Variants in EBF1 observed in about 807,000 individuals in gnomAD.
EBF1 encodes EBF transcription factor 1.
A neutral mutation model predicts 68.4 loss-of-function variants in EBF1; 10 were observed. The ratio of observed to expected loss-of-function variants is 0.15; its 90% CI spans 0.09 to 0.25. The LOEUF is 0.25. Ranked by LOEUF, EBF1 falls within the 10% of genes least tolerant of loss-of-function variation. The pLI, the probability that EBF1 is intolerant of heterozygous loss-of-function variation, is 1.00. For missense variants in EBF1, 509 were observed against 794.4 expected, an observed-to-expected ratio of 0.64 and a Z score of 4.32; for synonymous variants, 298 against 299.8, an observed-to-expected ratio of 0.99 and a Z score of 0.06.
intron 6 of EBF1, among the ~76,000 whole-genome samples, chr5:159,049,732 C>T (rs978460497): frequency 1.3e-5 from 2 of 152,102 alleles, no homozygotes; most frequent in African/African-American, 4.8e-5. Flanking sequence ...GGAAATTGTC[C>T]AACGTTAGAA....
intron 8 of EBF1, among the ~76,000 whole-genome samples, chr5:158,809,855 C>T (rs1782316100): frequency 6.6e-6 from 1 of 152,162 alleles, no homozygotes. Context: ...TGGACATTGT[C>T]CATTCCAATG....
At chr5:158,790,155 C>T (rs769468095) in intron 9 of EBF1, among the ~76,000 whole-genome samples, 1 of 152,146 alleles carries the variant, frequency 6.6e-6, no homozygotes, top group Non-Finnish European at 1.5e-5. Context: ...GCTTCACACA[C>T]GAGGAAACTT....
intron 15 of EBF1, among the ~76,000 whole-genome samples, chr5:158,704,629 C>CTT (rs80210765): frequency 2.1e-5 from 3 of 141,606 alleles, no homozygotes; most frequent in African/African-American, 8.1e-5. Flanking sequence ...TCCTTTTTTT[C>CTT]TTTTTTTTTT....
At chr5:158,713,706 C>A (rs1040082630) in intron 12 of EBF1, among the ~76,000 whole-genome samples, 3 of 152,174 alleles carry the variant, frequency 2.0e-5, no homozygotes, top group Non-Finnish European at 2.9e-5. Flanking sequence ...CTATGTGAAT[C>A]TTATACATGG....
intron 10 of EBF1, among the ~76,000 whole-genome samples, chr5:158,777,207 C>T (rs956903882): frequency 7.9e-5 from 12 of 152,098 alleles, no homozygotes; most frequent in Non-Finnish European, 5.9e-5. Context: ...TTCAACAGAA[C>T]GCGCCATTCA....
intron 6 of EBF1, among the ~76,000 whole-genome samples, chr5:158,893,262 G>A (rs1198580870): frequency 1.3e-5 from 2 of 152,050 alleles, no homozygotes; most frequent in East Asian, 1.9e-4. Context: ...TCTTCCCCTG[G>A]TTATAAAATA....
intron 10 of EBF1, among the ~76,000 whole-genome samples, chr5:158,763,009 C>G (rs542141102): frequency 1.3e-5 from 2 of 152,308 alleles, no homozygotes; most frequent in Admixed American, 1.3e-4. Context: ...CAGCACAGAT[C>G]TCTTCTCAAA....
At chr5:159,077,854 TC>T (rs1779065156) in intron 5 of EBF1, among the ~76,000 whole-genome samples, 1 of 131,760 alleles carries the variant, frequency 7.6e-6, no homozygotes, top group Non-Finnish European at 1.6e-5. Context: ...TCCTCCCACC[TC>T]AGGCCCTTAA....
At chr5:158,744,373 A>G (rs1287563711) in intron 10 of EBF1, among the ~76,000 whole-genome samples, 2 of 152,162 alleles carry the variant, frequency 1.3e-5, no homozygotes, top group African/African-American at 2.4e-5. Context: ...AGAGAATAGT[A>G]TCACCGAAAC....
At chr5:159,008,597 C>T (rs1764024330) in intron 6 of EBF1, among the ~76,000 whole-genome samples, 1 of 150,232 alleles carries the variant, frequency 6.7e-6, no homozygotes, top group South Asian at 2.1e-4. Context: ...ACAATCTGGA[C>T]TCACTGCAGC....
chr5:158,821,870 C>T (rs1408022115), intron 8 of EBF1, among the ~76,000 whole-genome samples: 4 of 152,170 alleles, frequency 2.6e-5, no homozygotes, highest in Non-Finnish European at 5.9e-5. Flanking sequence ...TGATGGTTTA[C>T]TTTAAAAAGA....
chr5:158,805,041 T>A (rs1408919324), intron 8 of EBF1, among the ~76,000 whole-genome samples: 1 of 152,160 alleles, frequency 6.6e-6, no homozygotes, highest in Non-Finnish European at 1.5e-5. Flanking sequence ...AGAACTTTTA[T>A]GCACAAAATT....
chr5:159,080,809 C>T (rs1335865230), intron 5 of EBF1, among the ~76,000 whole-genome samples: 2 of 152,126 alleles, frequency 1.3e-5, no homozygotes, highest in African/African-American at 4.8e-5. Context: ...AGAGGAACAC[C>T]CAGTAACTTC....
chr5:159,086,533 A>G (rs1421145145), intron 4 of EBF1, among the ~76,000 whole-genome samples: 3 of 152,272 alleles, frequency 2.0e-5, no homozygotes, highest in Non-Finnish European at 4.4e-5. Flanking sequence ...ATTTTGTAGA[A>G]CATCTCTCAA....
intron 6 of EBF1, among the ~76,000 whole-genome samples, chr5:158,888,079 G>A (rs768087994): frequency 5.3e-5 from 8 of 152,198 alleles, no homozygotes; most frequent in African/African-American, 1.2e-4. Context: ...GTGAGGGCTC[G>A]GCAGAAGTCA....
chr5:159,077,966 C>A (rs1194907513), intron 5 of EBF1, among the ~76,000 whole-genome samples: 1 of 151,850 alleles, frequency 6.6e-6, no homozygotes, highest in Non-Finnish European at 1.5e-5. Context: ...TCTCAAATTC[C>A]CTGGCTCAAG....
At chr5:158,832,751 A>G (rs1787859847) in intron 7 of EBF1, among the ~76,000 whole-genome samples, 2 of 152,208 alleles carry the variant, frequency 1.3e-5, no homozygotes, top group South Asian at 4.1e-4. Context: ...ATCCAGAGAT[A>G]CCATGGCTTG....
intron 6 of EBF1, among the ~76,000 whole-genome samples, chr5:158,888,990 C>A (rs1158319573): frequency 6.6e-6 from 1 of 152,130 alleles, no homozygotes; most frequent in Non-Finnish European, 1.5e-5. Flanking sequence ...TTCCTGCTCC[C>A]ATCCCATCCA....
intron 10 of EBF1, among the ~76,000 whole-genome samples, chr5:158,735,594 C>T (rs1765006490): frequency 6.6e-6 from 1 of 152,070 alleles, no homozygotes; most frequent in Non-Finnish European, 1.5e-5. Context: ...TCACCCACAG[C>T]TATGATGTGA....
Sources: allele counts gnomAD v4.1 joint callset (sites outside exome capture counted in the v4.1 genomes callset), GRCh38; gene constraint gnomAD v4.1.1; transcripts MANE v1.5; gene names NCBI Gene and HGNC (gene_info 2026-07-23, HGNC 2026-07-21).